SOX6: variants seen among roughly 807,000 people sequenced by gnomAD.
SOX6 encodes the protein transcription factor SOX-6.
SOX6 carries 11 observed loss-of-function variants against 97.8 expected under a neutral mutation model. The observed-to-expected ratio is 0.11, with a 90% CI of 0.07 to 0.19. The LOEUF is 0.19. Ranked by LOEUF, SOX6 falls within the 10% of genes least tolerant of loss-of-function variation. The pLI, the probability that SOX6 is intolerant of heterozygous loss-of-function variation, is 1.00. For missense variants in SOX6, 810 were observed against 1,039.5 expected (o/e 0.78, Z 3.04); for synonymous variants, 360 against 371.4 (o/e 0.97, Z 0.35).
intron 12 of SOX6, among the ~76,000 whole-genome samples, chr11:16,016,664 T>A (rs950731074): frequency 2.6e-5 from 4 of 152,082 alleles, no homozygotes; most frequent in African/African-American, 9.7e-5. Context: ...TCAGCCAATT[T>A]CTATTTTTGA....
At chr11:16,219,548 C>A (rs1245435251) in intron 4 of SOX6, among the ~76,000 whole-genome samples, 6 of 151,936 alleles carry the variant, frequency 3.9e-5, no homozygotes, top group Non-Finnish European at 7.4e-5. Context: ...CTCAAATTTC[C>A]TCAGTGCATT....
intron 3 of SOX6, among the ~76,000 whole-genome samples, chr11:16,666,082 G>T (rs773336007): frequency 1.3e-5 from 2 of 152,068 alleles, no homozygotes; most frequent in African/African-American, 2.4e-5. Flanking sequence ...TCCCCACAAT[G>T]GACAGATACA....
intron 3 of SOX6, among the ~76,000 whole-genome samples, chr11:16,248,527 C>T (rs754861798): frequency 1.3e-5 from 2 of 152,352 alleles, no homozygotes; most frequent in Middle Eastern, 3.4e-3. Context: ...ACTGTGCACC[C>T]TCAGATCCTA....
intron 3 of SOX6, among the ~76,000 whole-genome samples, chr11:16,253,819 G>A (rs1009193567): frequency 7.2e-5 from 11 of 152,018 alleles, no homozygotes; most frequent in Non-Finnish European, 1.5e-4. Flanking sequence ...CAATTCCTGA[G>A]AATTTTCTCA....
chr11:16,201,070 C>T (rs1299344456), intron 4 of SOX6, among the ~76,000 whole-genome samples: 2 of 150,480 alleles, frequency 1.3e-5, no homozygotes, highest in East Asian at 2.0e-4. Flanking sequence ...TGAGCTGACA[C>T]GGTGCCATGC....
intron 9 of SOX6, among the ~76,000 whole-genome samples, chr11:16,078,828 A>G (rs1848413067): frequency 6.6e-6 from 1 of 152,136 alleles, no homozygotes; most frequent in African/African-American, 2.4e-5. Flanking sequence ...ATATGAGGAC[A>G]GCATCCAAGC....
chr11:16,089,672 C>A (rs965045381), intron 9 of SOX6, among the ~76,000 whole-genome samples: 2 of 152,030 alleles, frequency 1.3e-5, no homozygotes, highest in African/African-American at 4.8e-5. Context: ...GAGGAACTGG[C>A]AGAACAGTAA....
intron 4 of SOX6, among the ~76,000 whole-genome samples, chr11:16,225,445 A>G (rs1852656753): frequency 6.6e-6 from 1 of 150,598 alleles, no homozygotes; most frequent in South Asian, 2.1e-4. Flanking sequence ...GATTGCCTAA[A>G]ACAGAAAAAA....
intron 1 of SOX6, among the ~76,000 whole-genome samples, chr11:16,344,894 CT>C (rs1374069799): frequency 6.6e-6 from 1 of 151,824 alleles, no homozygotes; most frequent in African/African-American, 2.4e-5. Context: ...TGACACAACC[CT>C]AACTAAAGCA....
intron 1 of SOX6, among the ~76,000 whole-genome samples, chr11:16,456,813 A>G (rs947358780): frequency 1.3e-5 from 2 of 152,128 alleles, no homozygotes; most frequent in African/African-American, 4.8e-5. Context: ...CCTCCAGTGA[A>G]GAAATAAAAG....
chr11:16,485,983 GA>G, intron 4 of SOX6, among the ~76,000 whole-genome samples: 1 of 27,796 alleles, frequency 3.6e-5, no homozygotes, highest in Non-Finnish European at 6.0e-5. Flanking sequence ...GAGGGGAGGG[GA>G]GGGGAGGGGA....
chr11:16,367,507 A>T (rs1383358028), intron 1 of SOX6, among the ~76,000 whole-genome samples: 3 of 152,170 alleles, frequency 2.0e-5, no homozygotes, highest in Non-Finnish European at 4.4e-5. Context: ...AAAGGAAAGA[A>T]CCTACTCCCA....
chr11:16,461,511 C>T (rs958352371), intron 1 of SOX6, among the ~76,000 whole-genome samples: 1 of 152,078 alleles, frequency 6.6e-6, no homozygotes, highest in African/African-American at 2.4e-5. Flanking sequence ...ATACCTAAAT[C>T]CACCTGAACT....
intron 3 of SOX6, among the ~76,000 whole-genome samples, chr11:16,667,243 GA>G (rs1817935041): frequency 1.3e-5 from 2 of 151,572 alleles, no homozygotes; most frequent in South Asian, 4.2e-4. Context: ...GTCTCAATAA[GA>G]AAACAAAACA....
intron 1 of SOX6, among the ~76,000 whole-genome samples, chr11:16,453,180 C>A (rs1197012500): frequency 6.6e-6 from 1 of 151,896 alleles, no homozygotes; most frequent in Non-Finnish European, 1.5e-5. Context: ...TACTATTGTT[C>A]TTGGCTATTT....
At chr11:16,172,342 T>C (rs553354038) in intron 6 of SOX6, among the ~76,000 whole-genome samples, 2 of 152,236 alleles carry the variant, frequency 1.3e-5, no homozygotes, top group South Asian at 4.1e-4. Flanking sequence ...CTCTTTCCAT[T>C]ATATAGCCGT....
chr11:16,524,323 T>C (rs1210162935), intron 4 of SOX6, among the ~76,000 whole-genome samples: 4 of 151,216 alleles, frequency 2.6e-5, no homozygotes, highest in African/African-American at 9.7e-5. Context: ...GCTGGTTCAA[T>C]ATACGCAAAT....
chr11:16,011,872 A>C (rs1018001423), intron 13 of SOX6, among the ~76,000 whole-genome samples: 1 of 152,094 alleles, frequency 6.6e-6, no homozygotes, highest in Admixed American at 6.6e-5. Context: ...AGCCCGGCTA[A>C]GGAGCTCTCA....
At chr11:16,207,963 T>C (rs953351119) in intron 4 of SOX6, among the ~76,000 whole-genome samples, 3 of 152,272 alleles carry the variant, frequency 2.0e-5, no homozygotes, top group Non-Finnish European at 4.4e-5. Context: ...TAATAAATAC[T>C]AATTTACAAT....
Sources: allele counts gnomAD v4.1 joint callset (sites outside exome capture counted in the v4.1 genomes callset), GRCh38; gene constraint gnomAD v4.1.1; transcripts MANE v1.5; gene names NCBI Gene and HGNC (gene_info 2026-07-23, HGNC 2026-07-21).